GNA14: variants seen among roughly 807,000 people sequenced by gnomAD.
GNA14 encodes G protein subunit alpha 14, also known as guanine nucleotide-binding protein subunit alpha-14.
In GNA14, 50 loss-of-function variants were observed where a neutral mutation model predicts 42.0. The ratio of observed to expected loss-of-function variants is 1.19; its 90% confidence interval spans 0.95 to 1.51. GNA14 has a LOEUF of 1.51. Ranked by LOEUF, GNA14 falls within the 40% of genes most tolerant of loss-of-function variation. GNA14 has a pLI of 0.00. For missense variants in GNA14, 473 were observed against 446.2 expected, an observed-to-expected ratio of 1.06 and a Z score of -0.54; for synonymous variants, 173 against 163.1, an observed-to-expected ratio of 1.06 and a Z score of -0.46.
intron 1 of GNA14, among the ~76,000 whole-genome samples, chr9:77,628,410 A>C (rs1824044559): frequency 6.6e-6 from 1 of 152,242 alleles, no homozygotes; most frequent in African/African-American, 2.4e-5. Flanking sequence ...ATGGAAGCAA[A>C]AAAGAGCCCA....
intron 1 of GNA14, among the ~76,000 whole-genome samples, chr9:77,540,435 T>C (rs1837645589): frequency 6.6e-6 from 1 of 152,192 alleles, no homozygotes. Context: ...ATAAGAAGAA[T>C]GTATATTCTA....
chr9:77,621,033 A>G (rs1184580540), intron 1 of GNA14, among the ~76,000 whole-genome samples: 1 of 151,954 alleles, frequency 6.6e-6, no homozygotes, highest in South Asian at 2.1e-4. Context: ...TCCCAGGCTC[A>G]AGTGACCCTC....
chr9:77,484,885 G>A (rs142788959), intron 2 of GNA14, among the ~76,000 whole-genome samples: 189 of 152,188 alleles, frequency 1.2e-3, no homozygotes, highest in African/African-American at 4.0e-3. Flanking sequence ...AACACTGTAC[G>A]TACCTTACTT....
intron 1 of GNA14, among the ~76,000 whole-genome samples, chr9:77,573,380 C>T (rs138928080): frequency 0.037 from 5,680 of 151,976 alleles, 397 homozygotes; most frequent in Admixed American, 0.19. Context: ...ACCCAGGAGG[C>T]GGAGGTTGCA....
At chr9:77,459,770 AC>A (rs1217358190) in intron 2 of GNA14, among the ~76,000 whole-genome samples, 3 of 152,014 alleles carry the variant, frequency 2.0e-5, no homozygotes, top group African/African-American at 7.3e-5. Context: ...TCCTTATTTG[AC>A]CCCAGACTCC....
At chr9:77,644,649 T>C (rs997471580) in intron 1 of GNA14, among the ~76,000 whole-genome samples, 4 of 152,084 alleles carry the variant, frequency 2.6e-5, no homozygotes, top group Admixed American at 1.3e-4. Flanking sequence ...TCCCAGTCTG[T>C]GGTATTTTGT....
intron 1 of GNA14, among the ~76,000 whole-genome samples, chr9:77,567,705 A>G (rs980101814): frequency 2.6e-5 from 4 of 151,986 alleles, no homozygotes; most frequent in Non-Finnish European, 5.9e-5. Flanking sequence ...CGTCTCTACT[A>G]AAAATTCAAA....
rs764737417 is a variant in GNA14, at chr9:77,644,437, C to CAAAAAAAAAAAAAAAAAAAAAAAAA, written c.124+3208_124+3232dup. On this transcript the variant is annotated intron_variant, in intron 1 of 6. Transcript: ENST00000341700. ...TACTGAACTCCAACCTAAAGAGTGT[C>CAAAAAAAAAAAAAAAAAAAAAAAAA]AAAAAAAAAAAAAAAAAAAAAAAAA... Among the ~76,000 whole-genome samples, 21 of 34,020 alleles carry CAAAAAAAAAAAAAAAAAAAAAAAAA rather than the reference C, an allele frequency of 6.2e-4. 2 individuals are homozygous for CAAAAAAAAAAAAAAAAAAAAAAAAA. The highest frequency in any genetic ancestry group is 9.3e-4 in the African/African-American group (8 of 8,578). 22.3% of individuals were successfully genotyped at this position (34,020 alleles called of 152,430 possible). A position where few individuals can be genotyped will look rare whatever the true frequency, so the allele number is the denominator to read the frequency against.
At chr9:77,440,322 G>A (rs12336402) in intron 2 of GNA14, among the ~76,000 whole-genome samples, 20,772 of 152,218 alleles carry the variant, frequency 0.14, 1,506 homozygotes, top group African/African-American at 0.17. Flanking sequence ...AGTCCCTGCC[G>A]AGTGTGGTGA....
intron 1 of GNA14, among the ~76,000 whole-genome samples, chr9:77,567,036 G>C (rs1295135380): frequency 3.3e-5 from 5 of 151,590 alleles, no homozygotes; most frequent in African/African-American, 4.8e-5. Context: ...CACAAGTCAT[G>C]TGCCTGGGCC....
intron 2 of GNA14, among the ~76,000 whole-genome samples, chr9:77,438,456 C>T (rs760283566): frequency 5.3e-5 from 8 of 151,866 alleles, no homozygotes; most frequent in Non-Finnish European, 1.0e-4. Flanking sequence ...TTAGTACAGA[C>T]GGGGTTTCAA....
chr9:77,425,262 G>A lies in GNA14; in HGVS notation c.877+300C>T, dbSNP rs558796204. ...ACCCTTCCTGCAGACCAGATGGGCA[G>A]GGGAAGCCAGAAAGGCTCCCAGAGA... On this transcript the variant is annotated intron_variant, in intron 6 of 6. Coordinates refer to ENST00000341700, the MANE Select transcript of GNA14 (RefSeq NM_004297.4). Among the ~76,000 whole-genome samples the A allele has an allele frequency of 1.6e-3, 246 of 152,164 alleles. 2 individuals are homozygous for A. The highest frequency in any genetic ancestry group is 1.1e-3 in the Admixed American group (17 of 15,280).
chr9:77,550,339 A>G (rs7040864), intron 1 of GNA14, among the ~76,000 whole-genome samples: 20,741 of 152,262 alleles, frequency 0.14, 1,502 homozygotes, highest in African/African-American at 0.19. Context: ...AAAGAATGGT[A>G]GACTAAATAC....
chr9:77,544,008 A>G (rs985345106), intron 1 of GNA14, among the ~76,000 whole-genome samples: 1 of 152,208 alleles, frequency 6.6e-6, no homozygotes, highest in South Asian at 2.1e-4. Context: ...TCCTAAAAAA[A>G]TCAATACAAA....
intron 2 of GNA14, among the ~76,000 whole-genome samples, chr9:77,505,696 G>GATGT (rs961766851): frequency 2.6e-5 from 4 of 152,198 alleles, no homozygotes; most frequent in African/African-American, 7.2e-5. Context: ...CATAAACCAA[G>GATGT]ATGTGGTTTT....
chr9:77,426,220 C>T (rs1162339489), intron 5 of GNA14, among the ~76,000 whole-genome samples: 2 of 152,120 alleles, frequency 1.3e-5, no homozygotes, highest in African/African-American at 4.8e-5. Flanking sequence ...ACAGGACGCA[C>T]TGCTACTGGG....
At chr9:77,512,184 A>G (rs1837182091) in intron 2 of GNA14, among the ~76,000 whole-genome samples, 1 of 152,112 alleles carries the variant, frequency 6.6e-6, no homozygotes, top group Non-Finnish European at 1.5e-5. Context: ...TCCAGAACAC[A>G]AACATACGAT....
intron 1 of GNA14, among the ~76,000 whole-genome samples, chr9:77,619,102 T>C (rs1235411758): frequency 6.6e-6 from 1 of 152,166 alleles, no homozygotes; most frequent in Non-Finnish European, 1.5e-5. Context: ...AGAGATTACA[T>C]GACTTGTTCA....
At chr9:77,447,314 C>G (rs1350908942) in intron 2 of GNA14, among the ~76,000 whole-genome samples, 1 of 152,178 alleles carries the variant, frequency 6.6e-6, no homozygotes, top group Non-Finnish European at 1.5e-5. Context: ...CTCACAGTGA[C>G]TCTCTCTTCA....
Sources: allele counts gnomAD v4.1 joint callset (sites outside exome capture counted in the v4.1 genomes callset), GRCh38; gene constraint gnomAD v4.1.1; transcripts MANE v1.5; gene names NCBI Gene and HGNC (gene_info 2026-07-23, HGNC 2026-07-21).